Variants in TUSC3 observed in about 807,000 individuals in gnomAD.
TUSC3 encodes the protein dolichyl-diphosphooligosaccharide--protein glycosyltransferase subunit TUSC3.
A neutral mutation model predicts 44.8 loss-of-function variants in TUSC3; 45 were observed. That is an observed-to-expected ratio of 1.00 (90% CI 0.79 to 1.29). The LOEUF is 1.29. TUSC3 is among the 50% of genes most tolerant of loss of function. TUSC3 has a pLI of 0.00. For synonymous variants in TUSC3, 212 were observed against 152.9 expected (o/e 1.39, Z -2.85); for missense variants, 519 against 437.9 (o/e 1.19, Z -1.65).
chr8:15,806,491 A>G, the TUSC3 span: 19 of 1,012,940 alleles, frequency 1.9e-5, no homozygotes, highest in African/African-American at 1.1e-4. Flanking sequence ...CGACTATTTC[A>G]TTGTAAACTT....
chr8:15,597,385 T>G (rs905280530), intron 1 of TUSC3, among the ~76,000 whole-genome samples: 3 of 152,142 alleles, frequency 2.0e-5, no homozygotes, highest in Non-Finnish European at 4.4e-5. Flanking sequence ...AGTTGGACAC[T>G]GCATTCTTAA....
At chr8:15,489,563 G>A (rs1359502199) in intron 2 of TUSC3, among the ~76,000 whole-genome samples, 1 of 152,162 alleles carries the variant, frequency 6.6e-6, no homozygotes, top group Non-Finnish European at 1.5e-5. Flanking sequence ...TTCAAAATAT[G>A]TCAAAGAGTT....
chr8:15,694,393 G>A (rs1412491202), intron 6 of TUSC3, among the ~76,000 whole-genome samples: 4 of 133,484 alleles, frequency 3.0e-5, no homozygotes, highest in East Asian at 2.4e-4. Flanking sequence ...CCGAGATCAC[G>A]CCATTGCACT....
chr8:15,838,085 C>T, the TUSC3 span, among the ~76,000 whole-genome samples: 2 of 152,096 alleles, frequency 1.3e-5, no homozygotes, highest in African/African-American at 2.4e-5. Flanking sequence ...CTCTCTCTCC[C>T]TCCAGTTGTA....
At chr8:15,563,978 T>G (rs1202080553) in intron 1 of TUSC3, among the ~76,000 whole-genome samples, 1 of 152,124 alleles carries the variant, frequency 6.6e-6, no homozygotes, top group Non-Finnish European at 1.5e-5. Flanking sequence ...CTGAAACAAT[T>G]GTTTGGTGGG....
At chr8:15,678,830 T>G (rs1808296696) in intron 6 of TUSC3, among the ~76,000 whole-genome samples, 1 of 152,206 alleles carries the variant, frequency 6.6e-6, no homozygotes, top group African/African-American at 2.4e-5. Flanking sequence ...ATGTATATGT[T>G]CGTATGCACC....
chr8:15,442,095 A>G (rs764139975), intron 1 of TUSC3, among the ~76,000 whole-genome samples: 1 of 152,120 alleles, frequency 6.6e-6, no homozygotes, highest in African/African-American at 2.4e-5. Context: ...ACTGACTCCA[A>G]ACTATTAGGA....
downstream of TUSC3, among the ~76,000 whole-genome samples, chr8:15,768,001 G>C (rs186178284): frequency 2.6e-4 from 40 of 152,246 alleles, no homozygotes; most frequent in African/African-American, 8.4e-4. Context: ...GTCCTGAGAA[G>C]ATTCTAAGCT....
the TUSC3 span, among the ~76,000 whole-genome samples, chr8:15,814,014 C>G: frequency 6.6e-6 from 1 of 152,174 alleles, no homozygotes; most frequent in Non-Finnish European, 1.5e-5. Flanking sequence ...GAGGACTAAA[C>G]AAGCTAATAG....
intron 1 of TUSC3, among the ~76,000 whole-genome samples, chr8:15,609,686 C>T (rs1274019319): frequency 6.6e-6 from 1 of 151,676 alleles, no homozygotes; most frequent in Admixed American, 6.6e-5. Context: ...GATACTGTCT[C>T]TTGATAGTAG....
chr8:15,750,534 T>C (rs1447005288), intron 9 of TUSC3, among the ~76,000 whole-genome samples: 1 of 152,152 alleles, frequency 6.6e-6, no homozygotes, highest in African/African-American at 2.4e-5. Flanking sequence ...GTTTGTACTT[T>C]TTTTTTCAAG....
At chr8:15,831,128 G>C in the TUSC3 span, among the ~76,000 whole-genome samples, 5 of 152,150 alleles carry the variant, frequency 3.3e-5, no homozygotes, top group African/African-American at 1.2e-4. Flanking sequence ...AGAGAACAAA[G>C]ATGGAGCGCA....
At chr8:15,800,567 C>T in the TUSC3 span, among the ~76,000 whole-genome samples, 3 of 150,248 alleles carry the variant, frequency 2.0e-5, no homozygotes, top group African/African-American at 7.4e-5. Context: ...GAGTGAGACC[C>T]TGTCTTTAAA....
At chr8:15,773,451 G>T in the TUSC3 span, among the ~76,000 whole-genome samples, 46 of 151,942 alleles carry the variant, frequency 3.0e-4, no homozygotes, top group Non-Finnish European at 5.0e-4. Context: ...GTTAAAAAAA[G>T]ACCTAAACAA....
chr8:15,434,102 A>T (rs1334883814), intron 1 of TUSC3, among the ~76,000 whole-genome samples: 2 of 152,330 alleles, frequency 1.3e-5, no homozygotes, highest in African/African-American at 4.8e-5. Context: ...CATTTGCTCC[A>T]TATCTTTGCT....
chr8:15,841,239 T>C, the TUSC3 span, among the ~76,000 whole-genome samples: 2 of 152,266 alleles, frequency 1.3e-5, no homozygotes, highest in Admixed American at 1.3e-4. Flanking sequence ...AGATACATAG[T>C]TCTAACTCTA....
chr8:15,663,703 A>T (rs1807528787), intron 5 of TUSC3, among the ~76,000 whole-genome samples: 1 of 151,928 alleles, frequency 6.6e-6, no homozygotes, highest in East Asian at 1.9e-4. Flanking sequence ...GAATGAGTTA[A>T]AATGGATTAA....
chr8:15,719,914 A>T (rs929957477), intron 6 of TUSC3, among the ~76,000 whole-genome samples: 1 of 152,044 alleles, frequency 6.6e-6, no homozygotes, highest in African/African-American at 2.4e-5. Flanking sequence ...GTTTAGTGCT[A>T]TAAAGGTTTG....
chr8:15,669,095 C>A (rs904646978), intron 5 of TUSC3, among the ~76,000 whole-genome samples: 3 of 151,684 alleles, frequency 2.0e-5, no homozygotes, highest in Non-Finnish European at 4.4e-5. Flanking sequence ...AGGGCCATAT[C>A]CAGCCATGGC....
Sources: allele counts gnomAD v4.1 joint callset (sites outside exome capture counted in the v4.1 genomes callset), GRCh38; gene constraint gnomAD v4.1.1; transcripts MANE v1.5; gene names NCBI Gene and HGNC (gene_info 2026-07-23, HGNC 2026-07-21).